Variants in PCDHA8 observed in about 807,000 individuals in gnomAD.
PCDHA8 encodes the protein protocadherin alpha 8.
Under a neutral mutation model 61.8 loss-of-function variants are expected in PCDHA8, and 53 were observed. That is an observed-to-expected ratio of 0.86 (90% CI 0.69 to 1.08). The LOEUF is 1.08. Among genes scored for constraint, PCDHA8 ranks in the 50% least tolerant of loss-of-function variants. The pLI, the probability that PCDHA8 is intolerant of heterozygous loss-of-function variation, is 0.00. For missense variants in PCDHA8, 1,293 were observed against 1,245.0 expected (o/e 1.04, Z -0.58); for synonymous variants, 618 against 556.6 (o/e 1.11, Z -1.55).
At chr5:140,877,990 T>C in intron 1 of PCDHA8, 1 of 1,127,766 alleles carries the variant, frequency 8.9e-7, no homozygotes. Flanking sequence ...TTTTGAACTT[T>C]TATGTATTTG....
At chr5:140,874,633 C>T (rs1399730965) in intron 1 of PCDHA8, among the ~76,000 whole-genome samples, 3 of 152,208 alleles carry the variant, frequency 2.0e-5, no homozygotes, top group African/African-American at 7.2e-5. Flanking sequence ...CATTAAAGTG[C>T]TTTACTTTTG....
At chr5:140,956,003 C>T (rs2153708657) in intron 1 of PCDHA8, among the ~76,000 whole-genome samples, 1 of 152,232 alleles carries the variant, frequency 6.6e-6, no homozygotes, top group East Asian at 1.9e-4. Flanking sequence ...ATTTTGTATC[C>T]TGAGACTTTG....
At chr5:140,874,124 T>C (rs926046559) in intron 1 of PCDHA8, among the ~76,000 whole-genome samples, 1 of 152,266 alleles carries the variant, frequency 6.6e-6, no homozygotes, top group Non-Finnish European at 1.5e-5. Flanking sequence ...TTATAGTTTA[T>C]TTAAGTTATC....
At chr5:140,850,367 GGGGCTGT>G (rs1332786840) in intron 1 of PCDHA8, 1 of 1,597,800 alleles carries the variant, frequency 6.3e-7, no homozygotes, top group Non-Finnish European at 8.6e-7. Context: ...CGTTCCGCGT[GGGGCTGT>G]ACACGGGCGA....
chr5:140,922,989 G>A (rs2081104632), intron 1 of PCDHA8, among the ~76,000 whole-genome samples: 1 of 152,214 alleles, frequency 6.6e-6, no homozygotes, highest in Non-Finnish European at 1.5e-5. Context: ...CAATAGGCAA[G>A]CCATGAGAAT....
chr5:140,928,798 G>A lies in PCDHA8; in HGVS notation c.2395-50151G>A, dbSNP rs1015507486. On this transcript the variant is annotated intron_variant, in intron 1 of 3. Transcript: ENST00000531613. ...TGATGCAGTTAAGCAGAGGGTGGTGGTAGTGGTTCGGGACCATGGAGACCC... is the reference window on the plus strand; with the variant it reads ...TGATGCAGTTAAGCAGAGGGTGGTGATAGTGGTTCGGGACCATGGAGACCC... 2.4e-5 allele frequency: 38 copies of A among 1,614,046 alleles called. No homozygotes were observed. Among genetic ancestry groups the A allele is most frequent in the Non-Finnish European group, 3.2e-5 (38 of 1,180,052 alleles).
intron 3 of PCDHA8, among the ~76,000 whole-genome samples, chr5:141,000,094 C>G (rs782020096): frequency 1.3e-5 from 2 of 152,128 alleles, no homozygotes; most frequent in Non-Finnish European, 2.9e-5. Flanking sequence ...GTGAATGGAG[C>G]TCAACTCCGT....
intron 1 of PCDHA8, chr5:140,968,130 T>C: frequency 6.2e-7 from 1 of 1,614,114 alleles, no homozygotes; most frequent in Non-Finnish European, 8.5e-7. Flanking sequence ...CTGCGTACAC[T>C]GAAGGTTGAG....
At chr5:140,991,228 T>C (rs2097439456) in intron 3 of PCDHA8, among the ~76,000 whole-genome samples, 1 of 152,220 alleles carries the variant, frequency 6.6e-6, no homozygotes, top group African/African-American at 2.4e-5. Flanking sequence ...CATTAATAAA[T>C]GCAGTGGTAA....
chr5:140,856,877 A>G, intron 1 of PCDHA8: 1 of 1,595,914 alleles, frequency 6.3e-7, no homozygotes, highest in Non-Finnish European at 8.6e-7. Flanking sequence ...CAAGGAAATG[A>G]TGTATTCATT....
chr5:140,939,900 A>G (rs916984176), intron 1 of PCDHA8, among the ~76,000 whole-genome samples: 5 of 152,150 alleles, frequency 3.3e-5, no homozygotes, highest in Admixed American at 3.3e-4. Flanking sequence ...AATATTCTGC[A>G]TTCTTTTTTA....
chr5:140,970,657 T>C (rs1487534093), intron 1 of PCDHA8, among the ~76,000 whole-genome samples: 1 of 152,232 alleles, frequency 6.6e-6, no homozygotes, highest in Non-Finnish European at 1.5e-5. Context: ...TGAATTGTTA[T>C]CTTTCCAAAT....
At chr5:140,875,413 C>T (rs2055464602) in intron 1 of PCDHA8, 2 of 1,507,300 alleles carry the variant, frequency 1.3e-6, no homozygotes, top group South Asian at 2.7e-5. Flanking sequence ...TCATAAAATA[C>T]CTCAGGCAAG....
At chr5:140,956,156 T>C (rs1467785699) in intron 1 of PCDHA8, among the ~76,000 whole-genome samples, 1 of 152,204 alleles carries the variant, frequency 6.6e-6, no homozygotes, top group Non-Finnish European at 1.5e-5. Flanking sequence ...TCTTTCCTAA[T>C]TGCCATAGCC....
At chr5:140,869,695 A>G (rs2051335232) in intron 1 of PCDHA8, 1 of 1,613,342 alleles carries the variant, frequency 6.2e-7, no homozygotes, top group African/African-American at 1.3e-5. Context: ...TATTTTAAAG[A>G]AGTCTCTGGA....
rs191892568 is a variant in PCDHA8, at chr5:140,903,945, C to T, written c.2394+60230C>T. 2.6e-5 allele frequency among the ~76,000 whole-genome samples: 4 copies of T among 152,280 alleles called. No homozygotes were observed. In the East Asian group the frequency reaches 5.8e-4, roughly 22 times the overall value. ...TGCATTGGATAATACCTCTTAAATA[C>T]TGGAAAATTATTTGTTGATTTTTGG... On this transcript the variant is annotated intron_variant, in intron 1 of 3. Transcript: ENST00000531613.
At chr5:140,905,990 G>A (rs569951946) in intron 1 of PCDHA8, among the ~76,000 whole-genome samples, 5 of 152,280 alleles carry the variant, frequency 3.3e-5, no homozygotes, top group Admixed American at 1.3e-4. Flanking sequence ...GAAAGATGTA[G>A]GCTGGGAGGC....
At chr5:140,875,577 C>G in intron 1 of PCDHA8, 1 of 1,614,082 alleles carries the variant, frequency 6.2e-7, no homozygotes, top group Non-Finnish European at 8.5e-7. Context: ...ACTACTCCGT[C>G]TACGAGGAGG....
intron 1 of PCDHA8, among the ~76,000 whole-genome samples, chr5:140,915,168 C>T (rs181934284): frequency 6.0e-4 from 92 of 152,112 alleles, no homozygotes; most frequent in Middle Eastern, 3.4e-3. Context: ...AGGATAGTCT[C>T]GATCTCTTGA....
Sources: gnomAD v4.1 joint callset for allele counts (sites outside exome capture counted in the v4.1 genomes callset) on GRCh38, gnomAD v4.1.1 for gene constraint, MANE v1.5 for transcripts, NCBI Gene and HGNC (gene_info 2026-07-23, HGNC 2026-07-21) for gene names.